Variants in DGKI observed in about 807,000 individuals in gnomAD.
DGKI encodes DAG kinase iota.
A neutral mutation model predicts 147.5 loss-of-function variants in DGKI; 55 were observed. The observed-to-expected ratio is 0.37, with a 90% CI of 0.30 to 0.47. The LOEUF is 0.47. Among genes scored for constraint, DGKI ranks in the 20% least tolerant of loss-of-function variants. DGKI has a pLI of 1.00. For synonymous variants in DGKI, 469 were observed against 477.1 expected (o/e 0.98, Z 0.22); for missense variants, 1,007 against 1,323.8 (o/e 0.76, Z 3.71).
At chr7:137,438,878 T>C (rs1813383958) in intron 28 of DGKI, among the ~76,000 whole-genome samples, 2 of 152,152 alleles carry the variant, frequency 1.3e-5, no homozygotes, top group Admixed American at 1.3e-4. Context: ...CATAAAACTA[T>C]GTACACACAC....
intron 1 of DGKI, among the ~76,000 whole-genome samples, chr7:137,829,657 C>G (rs950138161): frequency 2.0e-5 from 3 of 152,256 alleles, no homozygotes; most frequent in Non-Finnish European, 2.9e-5. Flanking sequence ...GGATTAGTGC[C>G]CACTGTATTG....
chr7:137,603,820 T>C (rs1220041618), intron 10 of DGKI, among the ~76,000 whole-genome samples: 2 of 152,238 alleles, frequency 1.3e-5, no homozygotes, highest in Non-Finnish European at 2.9e-5. Flanking sequence ...ATGAAAAAGC[T>C]ACATTCTGTT....
intron 30 of DGKI, among the ~76,000 whole-genome samples, chr7:137,407,293 A>C (rs1456446563): frequency 6.6e-6 from 1 of 152,260 alleles, no homozygotes; most frequent in East Asian, 1.9e-4. Flanking sequence ...CCTGCAAACG[A>C]TCTGGCACCA....
chr7:137,617,833 A>G (rs1820586210), intron 8 of DGKI, among the ~76,000 whole-genome samples: 1 of 151,946 alleles, frequency 6.6e-6, no homozygotes, highest in South Asian at 2.1e-4. Context: ...CTGCATGTGA[A>G]TCTCAAAAGA....
At chr7:137,783,768 C>T (rs978948493) in intron 1 of DGKI, among the ~76,000 whole-genome samples, 1 of 152,192 alleles carries the variant, frequency 6.6e-6, no homozygotes, top group Admixed American at 6.5e-5. Flanking sequence ...ATCAGATTAA[C>T]AGCAGATTTC....
At chr7:137,578,095 T>G (rs544289903) in intron 16 of DGKI, among the ~76,000 whole-genome samples, 175 bp downstream of exon 16, 1 of 152,292 alleles carries the variant, frequency 6.6e-6, no homozygotes, top group East Asian at 1.9e-4. Flanking sequence ...ACAGCTAACT[T>G]AAGAAATACA....
intron 13 of DGKI, 22 bp downstream of exon 13, chr7:137,587,075 A>C (rs2128983875): frequency 6.5e-7 from 1 of 1,529,818 alleles, no homozygotes; most frequent in South Asian, 1.2e-5. Context: ...TGATATGGGC[A>C]GTCCCCGAGA....
intron 2 of DGKI, 74 bp from the exon 3 acceptor site, chr7:137,678,726 T>A: frequency 7.3e-7 from 1 of 1,370,330 alleles, no homozygotes; most frequent in South Asian, 1.2e-5. Flanking sequence ...AATTTAGATT[T>A]GGGATACAAG....
Position 137,460,091 on chromosome 7 carries a change from T to A in DGKI, c.2735+3398A>T, listed in dbSNP as rs187224695. On this transcript the variant is annotated intron_variant, in intron 27 of 32. Transcript: ENST00000614521. ...GAGTTATTTAGCACTGTCAACAGGA[T>A]GCTAAATTGAACCTTTCCTATCCCC... Among the ~76,000 whole-genome samples the A allele has an allele frequency of 8.5e-5, 13 of 152,310 alleles. No homozygotes were observed. The East Asian group carries it at 2.1e-3, about 25-fold the overall frequency.
chr7:137,709,497 A>T (rs116463055), intron 1 of DGKI, among the ~76,000 whole-genome samples: 66 of 152,342 alleles, frequency 4.3e-4, no homozygotes, highest in African/African-American at 1.5e-3. Flanking sequence ...GATGGAAGGA[A>T]AAACATCTTT....
At chr7:137,482,575 A>G (rs1815410083) in intron 23 of DGKI, among the ~76,000 whole-genome samples, 1 of 151,960 alleles carries the variant, frequency 6.6e-6, no homozygotes, top group Non-Finnish European at 1.5e-5. Flanking sequence ...AGGCATATCA[A>G]AACTAATACG....
At chr7:137,471,953 A>G (rs1345735544) in intron 23 of DGKI, among the ~76,000 whole-genome samples, 1 of 129,118 alleles carries the variant, frequency 7.7e-6, no homozygotes, top group East Asian at 2.1e-4. Flanking sequence ...ACACATGTAT[A>G]TATTATATAT....
At chr7:137,454,859 C>T (rs920855029) in intron 27 of DGKI, 2 of 152,168 alleles carry the variant, frequency 1.3e-5, no homozygotes, top group Non-Finnish European at 2.9e-5. Flanking sequence ...CATAATCCAT[C>T]TGGATTTTGT....
chr7:137,726,756 G>A (rs1794729995), intron 1 of DGKI, among the ~76,000 whole-genome samples: 1 of 151,812 alleles, frequency 6.6e-6, no homozygotes, highest in Admixed American at 6.6e-5. Context: ...ATATCTTTAG[G>A]GTTCAAAGAT....
At chr7:137,404,423 CA>C (rs1279568609) in intron 30 of DGKI, among the ~76,000 whole-genome samples, 5 of 152,192 alleles carry the variant, frequency 3.3e-5, no homozygotes, top group African/African-American at 1.2e-4. Flanking sequence ...CAGTAAGAAT[CA>C]ATTGCATTTA....
chr7:137,590,295 G>A (rs1585262168), intron 12 of DGKI, among the ~76,000 whole-genome samples: 1 of 152,204 alleles, frequency 6.6e-6, no homozygotes, highest in Non-Finnish European at 1.5e-5. Context: ...CCACAGAAAG[G>A]TGGGACGTAC....
rs181138118 is a variant in DGKI, at chr7:137,796,129, C to T, written c.401+50333G>A. On this transcript the variant is annotated intron_variant, in intron 1 of 32. Coordinates refer to ENST00000614521, the MANE Select transcript of DGKI (RefSeq NM_001321708.2). The stretch of plus-strand genomic sequence containing the variant: ...GTAAAATAGGAAAGCATGGTCCATA[C>T]ACATGAAGGAAAAACAGCCAACAGA... Among the ~76,000 whole-genome samples the T allele has an allele frequency of 8.5e-4, 130 of 152,260 alleles. 1 individual carries two copies. In the East Asian group the frequency reaches 0.019, roughly 22 times the overall value.
intron 28 of DGKI, among the ~76,000 whole-genome samples, chr7:137,428,581 G>C (rs1414156416): frequency 2.0e-5 from 3 of 152,114 alleles, no homozygotes; most frequent in Admixed American, 2.0e-4. Context: ...GAAATAAAGG[G>C]TATTCAATTA....
intron 20 of DGKI, chr7:137,545,919 G>A: frequency 1.4e-6 from 1 of 702,600 alleles, no homozygotes; most frequent in Non-Finnish European, 2.6e-6. Flanking sequence ...GAGCCGGGGG[G>A]AGCAGACACT....
Sources: gnomAD v4.1 joint callset for allele counts (sites outside exome capture counted in the v4.1 genomes callset) on GRCh38, gnomAD v4.1.1 for gene constraint, MANE v1.5 for transcripts, NCBI Gene and HGNC (gene_info 2026-07-23, HGNC 2026-07-21) for gene names.